GIT2: variants seen among roughly 807,000 people sequenced by gnomAD.
GIT2 encodes GIT ArfGAP 2, also known as ARF GTPase-activating protein GIT2.
In GIT2, 32 loss-of-function variants were observed where a neutral mutation model predicts 100.3. That is an observed-to-expected ratio of 0.32 (90% confidence interval 0.24 to 0.43). GIT2 has a LOEUF of 0.43. GIT2 is among the 20% of genes least tolerant of loss of function. GIT2 has a pLI of 1.00. For synonymous variants in GIT2, 353 were observed against 364.1 expected (o/e 0.97, Z 0.35); for missense variants, 737 against 975.1 (o/e 0.76, Z 3.25).
At position 109,954,485 on chromosome 12, in the gene GIT2, C is replaced by T. The variant is rs553685066; in HGVS notation, c.1100-1251G>A. 2.6e-5 allele frequency: 4 copies of T among 152,262 alleles called. No homozygotes were observed. In the South Asian group the frequency reaches 8.3e-4, roughly 32 times the overall value. 9.4% of individuals were successfully genotyped at this position (152,262 alleles called of 1,614,324 possible). ...TTTGAACAAAAGATTTCACAAACTA[C>T]CCAAGTCTCTCTGATTTCTTTCAGG... On this transcript the variant is annotated intron_variant, in intron 12 of 19. Transcript: ENST00000355312.
At chr12:109,989,641 G>T in intron 3 of GIT2, 49 bp downstream of exon 3, 1 of 1,027,106 alleles carries the variant, frequency 9.7e-7, no homozygotes. Flanking sequence ...CTTTCAGTGG[G>T]CCCCATTTGT....
intron 1 of GIT2, among the ~76,000 whole-genome samples, chr12:109,994,062 C>T (rs547690674): frequency 6.2e-5 from 8 of 129,718 alleles, no homozygotes; most frequent in African/African-American, 2.4e-4. Context: ...CAGTATAGTA[C>T]TGACACTAAT....
At chr12:109,949,331 G>A (rs759369642) in intron 14 of GIT2, among the ~76,000 whole-genome samples, 2 of 152,212 alleles carry the variant, frequency 1.3e-5, no homozygotes, top group Non-Finnish European at 2.9e-5. Flanking sequence ...ATGTGATCAC[G>A]TGTTTGTCTG....
chr12:109,938,725 A>G (rs1873743703), intron 17 of GIT2, 157 bp from the exon 18 acceptor site: 1 of 565,362 alleles, frequency 1.8e-6, no homozygotes, highest in Admixed American at 3.5e-5. Context: ...TAAGGCTCTA[A>G]AATCGGCTAT....
intron 7 of GIT2, among the ~76,000 whole-genome samples, chr12:109,977,917 T>C (rs1222775264): frequency 6.6e-6 from 1 of 152,216 alleles, no homozygotes; most frequent in Non-Finnish European, 1.5e-5. Context: ...ATATATGTTA[T>C]GTGTCACTTT....
chr12:109,971,657 T>C (rs1398893256), intron 7 of GIT2, among the ~76,000 whole-genome samples: 4 of 151,872 alleles, frequency 2.6e-5, no homozygotes, highest in African/African-American at 7.3e-5. Flanking sequence ...ATTGCTTTTC[T>C]AGATTCAGTT....
At chr12:109,987,053 T>C (rs1199897302) in intron 4 of GIT2, among the ~76,000 whole-genome samples, 3 of 152,092 alleles carry the variant, frequency 2.0e-5, no homozygotes, top group Non-Finnish European at 4.4e-5. Context: ...TGGCTCAACA[T>C]ACACAAATCA....
rs756508568 is a variant in GIT2, at chr12:109,948,228, G to A, written c.1393-724C>T. 3 of 985,430 alleles carry A rather than the reference G, an allele frequency of 3.0e-6. No individual in the cohort carries two copies. Among genetic ancestry groups the A allele is most frequent in the Admixed American group, 6.1e-5 (1 of 16,304 alleles). The allele number at this position is 985,430 out of a possible 1,614,324, so 61.0% of individuals were successfully genotyped here. On this transcript the variant is annotated intron_variant, in intron 14 of 19. Coordinates refer to ENST00000355312, the MANE Select transcript of GIT2 (RefSeq NM_057169.5). This position sits in a 1 kb window ranked among gnomAD's most constrained non-coding sequence, Gnocchi z 4.3. ...ATTGATCTATGGAATTGACATCTTC[G>A]CATGGATGCTCCACGCAGCACGCTT...
chr12:109,994,582 C>T (rs1349058734), intron 1 of GIT2, among the ~76,000 whole-genome samples: 1 of 152,194 alleles, frequency 6.6e-6, no homozygotes, highest in African/African-American at 2.4e-5. Flanking sequence ...ACTCAAGTCT[C>T]TGCAGATTAG....
intron 1 of GIT2, chr12:109,991,994 C>T: frequency 2.3e-6 from 1 of 437,866 alleles, no homozygotes; most frequent in Non-Finnish European, 4.1e-6. Context: ...AAACAGTTAT[C>T]TTCTTTCTGG....
Position 109,988,988 on chromosome 12 carries a change from C to T in GIT2, c.380G>A (p.Ser127Asn), listed in dbSNP as rs1887904183. The T allele has an allele frequency of 6.2e-7, 1 of 1,608,284 alleles. No individual in the cohort carries two copies. The highest frequency in any genetic ancestry group is 1.3e-5 in the African/African-American group (1 of 74,682). ...VHRLPCRDDD[S>N]VTAKDLSKQL... ...CTTGCTAAGATCTTTGGCAGTCACA[C>T]TATCGTCATCCCGGCAGGGCAAGCG... is the stretch of plus-strand genomic sequence containing the variant. Residue 127 changes from serine (S) to asparagine (N), a missense_variant, in exon 4 of 20, where the codon AGT becomes AAT. Around this residue, in one of 3 missense-constraint regions of GIT2, gnomAD observed 266 missense variants for 376.2 expected, o/e 0.71. Coordinates refer to ENST00000355312, the MANE Select transcript of GIT2 (RefSeq NM_057169.5).
At chr12:109,954,585 T>C (rs1206603325) in intron 12 of GIT2, 1 of 152,012 alleles carries the variant, frequency 6.6e-6, no homozygotes, top group Admixed American at 6.6e-5. Flanking sequence ...ATCTGGGTGA[T>C]GAATGGTGGT....
At chr12:109,970,004 C>T (rs1284890160) in intron 7 of GIT2, among the ~76,000 whole-genome samples, 1 of 152,056 alleles carries the variant, frequency 6.6e-6, no homozygotes, top group Non-Finnish European at 1.5e-5. Context: ...GATCCACCCG[C>T]CTTGACCTCC....
intron 7 of GIT2, among the ~76,000 whole-genome samples, chr12:109,979,418 G>A (rs916038470): frequency 2.6e-5 from 4 of 151,466 alleles, no homozygotes; most frequent in South Asian, 2.1e-4. Context: ...GACTATAGGC[G>A]CCTGCCACCA....
In GIT2 at chr12:109,943,713, G is replaced by A. The variant is rs144959289; in HGVS notation, c.1731+1547C>T. On this transcript the variant is annotated intron_variant, in intron 16 of 19. Coordinates refer to ENST00000355312, the MANE Select transcript of GIT2 (RefSeq NM_057169.5). ...ATTCCTTTTTTTTTTTTGAGACAGGGCCTCACTGTGTTGTCCAGGCTGGAG... is the reference window on the plus strand; with the variant it reads ...ATTCCTTTTTTTTTTTTGAGACAGGACCTCACTGTGTTGTCCAGGCTGGAG... Among the ~76,000 whole-genome samples the A allele has an allele frequency of 9.1e-3, 1,364 of 149,162 alleles. 14 individuals are homozygous for A. Among genetic ancestry groups the A allele is most frequent in the Middle Eastern group, 0.011 (3 of 282 alleles).
chr12:109,999,782 C>A (rs757655686), upstream of GIT2: 32 of 1,532,550 alleles, frequency 2.1e-5, no homozygotes, highest in South Asian at 3.8e-4. The surrounding 1 kb of genome is among the most constrained non-coding windows in gnomAD (Gnocchi z 4.3). Context: ...GCTGCAGGGC[C>A]AGGTGAGGGG....
chr12:109,967,440 G>T lies in GIT2; in HGVS notation c.764+18C>A, dbSNP rs773698650. ...TATTAGCGATAGACAAAACTAACTG[G>T]TATTTCAATGAGCTTACCTGTCTGC... On this transcript the variant is annotated intron_variant, in intron 8 of 19. Coordinates refer to ENST00000355312, the MANE Select transcript of GIT2 (RefSeq NM_057169.5). 1.3e-6 allele frequency: 2 copies of T among 1,554,294 alleles called. No homozygotes were observed. Among genetic ancestry groups the T allele is most frequent in the Non-Finnish European group, 1.8e-6 (2 of 1,125,854 alleles).
At chr12:109,987,643 T>C (rs1176518240) in intron 4 of GIT2, among the ~76,000 whole-genome samples, 1 of 151,862 alleles carries the variant, frequency 6.6e-6, no homozygotes, top group Non-Finnish European at 1.5e-5. Context: ...AATTGTTATA[T>C]TCTTTGTAGA....
intron 2 of GIT2, among the ~76,000 whole-genome samples, chr12:109,990,611 A>T (rs949563464): frequency 6.6e-6 from 1 of 152,220 alleles, no homozygotes; most frequent in Non-Finnish European, 1.5e-5. Context: ...GCCAAGTTTA[A>T]GGGATATGTG....
Sources: allele counts gnomAD v4.1 joint callset (sites outside exome capture counted in the v4.1 genomes callset), GRCh38; gene constraint gnomAD v4.1.1; regional missense constraint gnomAD v4.1.1; non-coding constraint Gnocchi (gnomAD v3.1); transcripts MANE v1.5; gene names NCBI Gene and HGNC (gene_info 2026-07-23, HGNC 2026-07-21).